Variants in TRIM22 observed in about 807,000 individuals in gnomAD.
TRIM22 encodes tripartite motif containing 22.
TRIM22 carries 45 observed loss-of-function variants against 53.6 expected under a neutral mutation model. That is an observed-to-expected ratio of 0.84 (90% CI 0.66 to 1.08). The LOEUF (loss-of-function observed/expected upper bound fraction) is 1.08, where lower values mean the gene tolerates loss of function less well. Ranked by LOEUF, TRIM22 falls within the 50% of genes least tolerant of loss-of-function variation. TRIM22 has a pLI of 0.00. For synonymous variants in TRIM22, 225 were observed against 216.6 expected, an observed-to-expected ratio of 1.04 and a Z score of -0.34; for missense variants, 616 against 590.9, an observed-to-expected ratio of 1.04 and a Z score of -0.44.
At chr11:5,704,827 T>C (rs1180541188) in intron 4 of TRIM22, among the ~76,000 whole-genome samples, 1 of 152,232 alleles carries the variant, frequency 6.6e-6, no homozygotes, top group African/African-American at 2.4e-5. Flanking sequence ...TTTAATGTTA[T>C]TGTAGCCATT....
At chr11:5,699,724 CT>C (rs71053299) in intron 4 of TRIM22, among the ~76,000 whole-genome samples, 11,525 of 134,448 alleles carry the variant, frequency 0.086, 572 homozygotes, top group Admixed American at 0.16. Flanking sequence ...TGATTATTTC[CT>C]TTTTTTTTTT....
At position 5,710,431 on chromosome 11, in the gene TRIM22, A is replaced by C. The variant is rs1488007540; in HGVS notation, c.*783A>C. 1 of 152,222 alleles carries C rather than the reference A, an allele frequency of 6.6e-6. No homozygotes were observed. The highest frequency in any genetic ancestry group is 1.5e-5 in the Non-Finnish European group (1 of 68,030). The allele number at this position is 152,222 out of a possible 1,614,324, so 9.4% of individuals were successfully genotyped here. ...CACGTTATCTAGCAAAGTACATAAG[A>C]ATCTATCACTAAGTAATGTATCCTT... On this transcript the variant is annotated 3_prime_UTR_variant, in exon 8 of 8. Coordinates refer to ENST00000379965, the MANE Select transcript of TRIM22 (RefSeq NM_006074.5).
rs1388561161 is a variant in TRIM22 at position 5,707,672 on chromosome 11, T to A, written c.774-501T>A. The stretch of plus-strand genomic sequence containing the variant: ...TAAAAGTACAAAAAAATTAGCTGGA[T>A]GTGGTAGCAGGCACCTGTAATCCCA... On this transcript the variant is annotated intron_variant, in intron 5 of 7. Coordinates refer to ENST00000379965, the MANE Select transcript of TRIM22 (RefSeq NM_006074.5). Among the ~76,000 whole-genome samples, 3 of 152,004 alleles carry A rather than the reference T, an allele frequency of 2.0e-5. No individual in the cohort carries two copies. In the East Asian group the frequency reaches 5.8e-4, roughly 30 times the overall value.
At position 5,697,323 on chromosome 11, in the gene TRIM22, C is replaced by T. The variant is rs1564940373; in HGVS notation, c.499C>T (p.Gln167Ter). The change falls in exon 3 of 8, where the codon CAA becomes TAA. Residue 167 changes from glutamine to a stop codon, truncating the protein, a stop_gained. Coordinates refer to ENST00000379965, the MANE Select transcript of TRIM22 (RefSeq NM_006074.5). LOFTEE classifies it high-confidence loss of function. ...EAEKLEDDIR[Q>*]ERTAWKNYIQ... is the part of the protein sequence containing the mutation. Reference sequence around the variant, plus strand: ...TGAGAAGCTGGAAGATGACATCAGACAAGAGAGAACCGCCTGGAAGGCAGG... The same window carrying T: ...TGAGAAGCTGGAAGATGACATCAGATAAGAGAGAACCGCCTGGAAGGCAGG... 3 of 1,613,414 alleles carry T rather than the reference C, an allele frequency of 1.9e-6. No individual in the cohort carries two copies. Among genetic ancestry groups the T allele is most frequent in the South Asian group, 2.2e-5 (2 of 90,886 alleles).
intron 4 of TRIM22, among the ~76,000 whole-genome samples, chr11:5,700,825 T>A (rs1853363126): frequency 6.6e-6 from 1 of 151,938 alleles, no homozygotes; most frequent in African/African-American, 2.4e-5. Context: ...GGTTTTGCCA[T>A]GTTGGGCAGG....
At chr11:5,692,074 G>A (rs1259957540) in intron 1 of TRIM22, among the ~76,000 whole-genome samples, 1 of 152,070 alleles carries the variant, frequency 6.6e-6, no homozygotes, top group Admixed American at 6.5e-5. Flanking sequence ...TTAAATACCG[G>A]TAAGAGATTA....
intron 7 of TRIM22, 75 bp downstream of exon 7, chr11:5,708,678 CAT>C (rs1853504014): frequency 8.0e-7 from 1 of 1,252,604 alleles, no homozygotes; most frequent in African/African-American, 1.5e-5. Flanking sequence ...ATCTGAGTCT[CAT>C]GTGTTCCTCC....
chr11:5,697,694 G>GA (rs1853290031), intron 3 of TRIM22: 1 of 190,046 alleles, frequency 5.3e-6, no homozygotes, highest in Non-Finnish European at 1.0e-5. Flanking sequence ...TCAGTAGGGG[G>GA]ATTTTTTTGT....
In TRIM22 at chr11:5,710,364, C is replaced by T. The variant is rs1180938378; in HGVS notation, c.*716C>T. ...TTCTTTTCTTCCTCATTTCCTCTGC[C>T]CCTTAAAAGATTGAAGAAAGAGAAA... On this transcript the variant is annotated 3_prime_UTR_variant, in exon 8 of 8. Transcript: ENST00000379965. The T allele has an allele frequency of 3.3e-5, 5 of 152,174 alleles. No individual in the cohort carries two copies. Among genetic ancestry groups the T allele is most frequent in the Admixed American group, 1.3e-4 (2 of 15,290 alleles). 9.4% of individuals were successfully genotyped at this position (152,174 alleles called of 1,614,324 possible).
rs368682946 is a variant in TRIM22 at position 5,709,095 on chromosome 11, C to G, written c.944C>G (p.Ala315Gly). Reference protein sequence around the residue: ...LNPGSATSNVAISVDQRQVKT... With the variant: ...LNPGSATSNVGISVDQRQVKT... ...CCAGGCAGTGCCACTTCGAATGTTGCTATTTCTGTGGATCAGAGACAAGTG... is the reference window on the plus strand; with the variant it reads ...CCAGGCAGTGCCACTTCGAATGTTGGTATTTCTGTGGATCAGAGACAAGTG... Residue 315 changes from alanine to glycine, a missense_variant, in exon 8 of 8, where the codon GCT becomes GGT. Ala to Gly is a moderately conservative substitution (Grantham distance 60). Coordinates refer to ENST00000379965, the MANE Select transcript of TRIM22 (RefSeq NM_006074.5). The G allele has an allele frequency of 2.5e-6, 4 of 1,613,938 alleles. No individual in the cohort carries two copies. The highest frequency in any genetic ancestry group is 3.4e-6 in the Non-Finnish European group (4 of 1,179,924).
chr11:5,696,051 CT>C lies in TRIM22; in HGVS notation c.-66-113del, dbSNP rs779150060. The C allele has an allele frequency of 4.0e-4, 205 of 517,214 alleles. 1 individual carries two copies. Among genetic ancestry groups the C allele is most frequent in the South Asian group, 1.1e-3 (27 of 24,092 alleles). The allele number at this position is 517,214 out of a possible 1,614,324, so 32.0% of individuals were successfully genotyped here. A position where few individuals can be genotyped will look rare whatever the true frequency, so the allele number is the denominator to read the frequency against. On this transcript the variant is annotated intron_variant, in intron 1 of 7. Transcript: ENST00000379965. ...TCTGTCATTGGTTTATTCTTCATGCCTTTCTTTTCTCCTTTCTCTGTTAAAT... is the reference window on the plus strand; with the variant it reads ...TCTGTCATTGGTTTATTCTTCATGCCTTCTTTTCTCCTTTCTCTGTTAAAT...
chr11:5,709,001 T>TA, intron 7 of TRIM22, 52 bp from the exon 8 acceptor site: 1 of 1,380,808 alleles, frequency 7.2e-7, no homozygotes, highest in Admixed American at 1.8e-5. Context: ...CTCAATGCTG[T>TA]AAGACACACC....
At chr11:5,699,094 T>G (rs1041965798) in intron 4 of TRIM22, among the ~76,000 whole-genome samples, 1 of 152,260 alleles carries the variant, frequency 6.6e-6, no homozygotes, top group African/African-American at 2.4e-5. Flanking sequence ...TATCATATTA[T>G]GTTTATGTAT....
At chr11:5,695,558 G>A (rs1853243963) in intron 1 of TRIM22, among the ~76,000 whole-genome samples, 1 of 136,542 alleles carries the variant, frequency 7.3e-6, no homozygotes, top group South Asian at 2.3e-4. Context: ...AGGAGTGATG[G>A]CATTAGGGTT....
In TRIM22 at chr11:5,709,321, A is replaced by C; in HGVS notation, c.1170A>C (p.Pro390=). 1 of 1,614,110 alleles carries C rather than the reference A, an allele frequency of 6.2e-7. No homozygotes were observed. Among genetic ancestry groups the C allele is most frequent in the Non-Finnish European group, 8.5e-7 (1 of 1,180,020 alleles). ...AGAGCTCTGGGTTTGCTTTTGATCC[A>C]AGTGTAAATTATTCAAAAGTTTACT... ...KRKSSGFAFD[P]SVNYSKVYSR... The change falls in exon 8 of 8, where the codon CCA becomes CCC. Residue 390 remains proline (P), a synonymous_variant. Coordinates refer to ENST00000379965, the MANE Select transcript of TRIM22 (RefSeq NM_006074.5).
intron 1 of TRIM22, among the ~76,000 whole-genome samples, chr11:5,695,737 T>C (rs4910836): frequency 0.45 from 69,002 of 152,034 alleles, 16,076 homozygotes; most frequent in Non-Finnish European, 0.5. Context: ...CAAATATTCA[T>C]GAATCATGCA....
chr11:5,704,717 C>T (rs1467185800), intron 4 of TRIM22, among the ~76,000 whole-genome samples: 1 of 152,114 alleles, frequency 6.6e-6, no homozygotes, highest in Non-Finnish European at 1.5e-5. Context: ...CTACCAAATC[C>T]AATGTCATGC....
chr11:5,696,508 G>C lies in TRIM22; in HGVS notation c.276G>C (p.Gln92His), dbSNP rs775330686. ...KEVKMSPQEG[Q>H]KRDVCEHHGK... ...TCAAGATGAGCCCACAGGAGGGGCA[G>C]AAGAGAGATGTCTGTGAGCACCATG... The change falls in exon 2 of 8, where the codon CAG becomes CAC. Residue 92 changes from glutamine (Q) to histidine (H), a missense_variant. Transcript: ENST00000379965. 1 of 1,614,262 alleles carries C rather than the reference G, an allele frequency of 6.2e-7. No individual in the cohort carries two copies. Among genetic ancestry groups the C allele is most frequent in the Admixed American group, 1.7e-5 (1 of 60,030 alleles).
At chr11:5,708,460 C>T in intron 6 of TRIM22, 117 bp from the exon 7 acceptor site, 1 of 1,078,376 alleles carries the variant, frequency 9.3e-7, no homozygotes. Context: ...TCCTCTCATT[C>T]ACCAGTGCAA....
Sources: allele counts gnomAD v4.1 joint callset (sites outside exome capture counted in the v4.1 genomes callset), GRCh38; gene constraint gnomAD v4.1.1; transcripts MANE v1.5; gene names NCBI Gene and HGNC (gene_info 2026-07-23, HGNC 2026-07-21).